TOX: variants seen among roughly 807,000 people sequenced by gnomAD.
TOX encodes the protein thymocyte selection-associated high mobility group box protein TOX.
TOX carries 11 observed loss-of-function variants against 53.7 expected under a neutral mutation model. The ratio of observed to expected loss-of-function variants is 0.20; its 90% CI spans 0.13 to 0.34. The LOEUF is 0.34. Among genes scored for constraint, TOX ranks in the 10% least tolerant of loss-of-function variants. The probability of loss-of-function intolerance (pLI) is 1.00; values close to 1 mark genes in which losing one functional copy is unlikely to be tolerated. For synonymous variants in TOX, 225 were observed against 245.3 expected, an observed-to-expected ratio of 0.92 and a Z score of 0.77; for missense variants, 570 against 664.6, an observed-to-expected ratio of 0.86 and a Z score of 1.56.
intron 1 of TOX, among the ~76,000 whole-genome samples, chr8:59,090,487 A>C (rs1216292096): frequency 6.6e-6 from 1 of 152,170 alleles, no homozygotes; most frequent in Non-Finnish European, 1.5e-5. Context: ...AAACCAGAGA[A>C]TGCCACCTGT....
At chr8:58,832,438 T>C (rs996646136) in intron 5 of TOX, among the ~76,000 whole-genome samples, 2 of 152,104 alleles carry the variant, frequency 1.3e-5, no homozygotes, top group African/African-American at 2.4e-5. Flanking sequence ...GTGTGAATGT[T>C]ACAGTGCGAC....
chr8:59,081,029 GT>G (rs747091063), intron 1 of TOX, among the ~76,000 whole-genome samples: 2 of 151,902 alleles, frequency 1.3e-5, no homozygotes, highest in African/African-American at 2.4e-5. Flanking sequence ...TTTTGTTGTT[GT>G]TTTGTTTTGT....
intron 3 of TOX, among the ~76,000 whole-genome samples, chr8:58,870,487 A>G (rs758585004): frequency 2.0e-5 from 3 of 152,168 alleles, no homozygotes; most frequent in Non-Finnish European, 2.9e-5. Flanking sequence ...GAGTCAATGC[A>G]ATCTCAATGG....
intron 1 of TOX, among the ~76,000 whole-genome samples, chr8:59,003,131 C>G (rs977493389): frequency 5.9e-5 from 9 of 152,094 alleles, no homozygotes; most frequent in African/African-American, 2.2e-4. Context: ...AAAGTCAGAC[C>G]AAACTTCAAA....
At chr8:59,018,199 TA>T (rs1814051236) in intron 1 of TOX, among the ~76,000 whole-genome samples, 1 of 152,210 alleles carries the variant, frequency 6.6e-6, no homozygotes. Context: ...AGTCCTATTT[TA>T]TATTTGTTGT....
rs1050176608 is a variant in TOX, at chr8:58,898,477, G to C, written c.411+40825C>G. Among the ~76,000 whole-genome samples the C allele has an allele frequency of 7.8e-4, 119 of 152,260 alleles. 1 individual carries two copies. The highest frequency in any genetic ancestry group is 2.0e-3 in the Admixed American group (30 of 15,294). ...TGTTCTACAAAACATCCGGTTTAGG[G>C]AAGCAACTCATACTGTTTCTCAGTT... On this transcript the variant is annotated intron_variant, in intron 3 of 8. Transcript: ENST00000361421.
At chr8:58,975,479 C>T (rs1457673727) in intron 1 of TOX, among the ~76,000 whole-genome samples, 1 of 151,966 alleles carries the variant, frequency 6.6e-6, no homozygotes, top group Non-Finnish European at 1.5e-5. Flanking sequence ...TGTTCTAGAC[C>T]ATCACAATAA....
intron 3 of TOX, among the ~76,000 whole-genome samples, chr8:58,905,716 G>C (rs113088024): frequency 3.3e-5 from 5 of 152,174 alleles, no homozygotes; most frequent in African/African-American, 1.2e-4. Flanking sequence ...CACAACGTGC[G>C]CCATGCTTGC....
intron 1 of TOX, among the ~76,000 whole-genome samples, chr8:59,009,035 C>T (rs1006776327): frequency 6.6e-6 from 1 of 151,626 alleles, no homozygotes; most frequent in Non-Finnish European, 1.5e-5. Flanking sequence ...CCTTCTTTTC[C>T]TCCCTCTTTC....
At chr8:58,955,138 A>G (rs1006350584) in intron 2 of TOX, among the ~76,000 whole-genome samples, 4 of 152,188 alleles carry the variant, frequency 2.6e-5, no homozygotes. Context: ...TAATATTGCT[A>G]TATTTTATCA....
chr8:58,909,217 A>G (rs1811869129), intron 3 of TOX, among the ~76,000 whole-genome samples: 1 of 152,246 alleles, frequency 6.6e-6, no homozygotes, highest in South Asian at 2.1e-4. Flanking sequence ...GTTTGACAAC[A>G]CAAGTCTTCT....
intron 1 of TOX, among the ~76,000 whole-genome samples, chr8:58,998,645 A>C (rs1359759691): frequency 5.9e-5 from 2 of 33,806 alleles, no homozygotes; most frequent in Admixed American, 7.8e-4. Context: ...ATATATAATA[A>C]ATTTATATAT....
intron 1 of TOX, among the ~76,000 whole-genome samples, chr8:58,977,158 A>T (rs2129180238): frequency 6.6e-6 from 1 of 152,344 alleles, no homozygotes; most frequent in African/African-American, 2.4e-5. Flanking sequence ...CACCTTCATC[A>T]GTGATCTTAG....
At chr8:59,092,278 T>TA (rs1487880275) in intron 1 of TOX, among the ~76,000 whole-genome samples, 21 of 121,810 alleles carry the variant, frequency 1.7e-4, no homozygotes, top group African/African-American at 6.5e-4. Context: ...TATATATATA[T>TA]ATATTATATA....
chr8:58,986,737 T>C (rs1813336101), intron 1 of TOX, among the ~76,000 whole-genome samples: 1 of 152,108 alleles, frequency 6.6e-6, no homozygotes, highest in South Asian at 2.1e-4. Context: ...AATACATAAA[T>C]AAACTGAACA....
chr8:58,823,204 T>C (rs1810310335), intron 6 of TOX, among the ~76,000 whole-genome samples: 1 of 152,286 alleles, frequency 6.6e-6, no homozygotes, highest in African/African-American at 2.4e-5. Context: ...CTGGATTAGA[T>C]GGTATATAGC....
At chr8:58,962,447 G>C (rs1585927051) in intron 1 of TOX, among the ~76,000 whole-genome samples, 1 of 152,206 alleles carries the variant, frequency 6.6e-6, no homozygotes, top group East Asian at 1.9e-4. Flanking sequence ...CAAAGGCACA[G>C]ATAAGTTAAG....
At chr8:58,954,790 T>C (rs17299611) in intron 2 of TOX, among the ~76,000 whole-genome samples, 47,826 of 152,078 alleles carry the variant, frequency 0.31, 7,738 homozygotes, top group East Asian at 0.4. Context: ...TCAACACTAT[T>C]TGGAATTAAC....
At chr8:59,020,546 A>T (rs1814104953) in intron 1 of TOX, among the ~76,000 whole-genome samples, 1 of 152,204 alleles carries the variant, frequency 6.6e-6, no homozygotes, top group Admixed American at 6.5e-5. Flanking sequence ...CTCCTGTCAA[A>T]GTCCTAAAAT....
Sources: gnomAD v4.1 joint callset for allele counts (sites outside exome capture counted in the v4.1 genomes callset) on GRCh38, gnomAD v4.1.1 for gene constraint, MANE v1.5 for transcripts, NCBI Gene and HGNC (gene_info 2026-07-23, HGNC 2026-07-21) for gene names.